The following CNTNAP2 variants were observed in gnomAD, a reference collection of about 807,000 sequenced individuals.
The protein encoded by CNTNAP2 is contactin-associated protein-like 2.
CNTNAP2 carries 98 observed loss-of-function variants against 155.2 expected under a neutral mutation model. The ratio of observed to expected loss-of-function variants is 0.63; its 90% confidence interval spans 0.54 to 0.75. The LOEUF (loss-of-function observed/expected upper bound fraction) is 0.75, where lower values mean the gene tolerates loss of function less well. Among genes scored for constraint, CNTNAP2 ranks in the 30% least tolerant of loss-of-function variants. The probability of loss-of-function intolerance (pLI) is 0.00; values close to 1 mark genes in which losing one functional copy is unlikely to be tolerated. For synonymous variants in CNTNAP2, 651 were observed against 631.2 expected (o/e 1.03, Z -0.47); for missense variants, 1,727 against 1,688.1 (o/e 1.02, Z -0.40).
At chr7:146,787,577 T>C (rs536614012) in intron 2 of CNTNAP2, among the ~76,000 whole-genome samples, 23 of 152,160 alleles carry the variant, frequency 1.5e-4, no homozygotes, top group Non-Finnish European at 2.5e-4. Flanking sequence ...TTACAGCTCA[T>C]AAATGCCGCA....
intron 1 of CNTNAP2, among the ~76,000 whole-genome samples, chr7:146,335,545 T>C (rs1161290668): frequency 6.6e-6 from 1 of 152,218 alleles, no homozygotes; most frequent in African/African-American, 2.4e-5. Context: ...ACTGTTGTTC[T>C]GTCTGAGAGC....
rs557210135 is a variant in CNTNAP2, at chr7:148,398,354, C to A, written c.3716-11037C>A. On this transcript the variant is annotated intron_variant, in intron 22 of 23. Coordinates refer to ENST00000361727, the MANE Select transcript of CNTNAP2 (RefSeq NM_014141.6). The stretch of plus-strand genomic sequence containing the variant: ...CTATTGGCAGAACTGGTCCACAGAG[C>A]ACAGAAGCACATTCATCGTGTAAAG... 3.3e-5 allele frequency among the ~76,000 whole-genome samples: 5 copies of A among 152,298 alleles called. No individual in the cohort carries two copies. The East Asian group carries it at 7.7e-4, about 24-fold the overall frequency.
chr7:146,490,669 G>T (rs757136690), intron 1 of CNTNAP2, among the ~76,000 whole-genome samples: 1 of 152,088 alleles, frequency 6.6e-6, no homozygotes, highest in African/African-American at 2.4e-5. Context: ...TTAAAATATC[G>T]TATATATTTG....
At chr7:148,413,401 A>AAAAAAAAAAAATAT (rs1442990213) in intron 23 of CNTNAP2, among the ~76,000 whole-genome samples, 8 of 45,358 alleles carry the variant, frequency 1.8e-4, no homozygotes, top group African/African-American at 3.8e-4. Context: ...TCAAAAAAAA[A>AAAAAAAAAAAATAT]ATATATATAT....
intron 15 of CNTNAP2, 152 bp from the exon 16 acceptor site, chr7:148,117,966 T>C (rs1199728595): frequency 1.2e-5 from 10 of 814,338 alleles, no homozygotes; most frequent in Non-Finnish European, 2.0e-5. Flanking sequence ...AAAATATATT[T>C]GTGAGGATTT....
At chr7:147,188,789 A>G (rs936214297) in intron 8 of CNTNAP2, among the ~76,000 whole-genome samples, 1 of 152,208 alleles carries the variant, frequency 6.6e-6, no homozygotes, top group African/African-American at 2.4e-5. Flanking sequence ...AAGAAGATTA[A>G]TTTGATGTGA....
intron 3 of CNTNAP2, among the ~76,000 whole-genome samples, chr7:146,896,409 C>T (rs1795878321): frequency 6.6e-6 from 1 of 152,044 alleles, no homozygotes; most frequent in Non-Finnish European, 1.5e-5. Flanking sequence ...ACCACGTGTA[C>T]ATTTTTTTTT....
At chr7:146,993,624 C>T (rs1481500358) in intron 3 of CNTNAP2, among the ~76,000 whole-genome samples, 2 of 152,134 alleles carry the variant, frequency 1.3e-5, no homozygotes, top group East Asian at 3.9e-4. Flanking sequence ...GGAGAGCTCC[C>T]TCCTGCCCCG....
At chr7:146,456,838 C>T (rs1200027008) in intron 1 of CNTNAP2, among the ~76,000 whole-genome samples, 7 of 151,958 alleles carry the variant, frequency 4.6e-5, no homozygotes, top group Non-Finnish European at 7.4e-5. Flanking sequence ...ATGCAACAGC[C>T]CATTTGCAAT....
chr7:146,305,139 C>G (rs1351041066), intron 1 of CNTNAP2, among the ~76,000 whole-genome samples: 1 of 152,022 alleles, frequency 6.6e-6, no homozygotes, highest in Non-Finnish European at 1.5e-5. Flanking sequence ...TTAAGGACTT[C>G]TCTACACTGT....
intron 15 of CNTNAP2, among the ~76,000 whole-genome samples, chr7:148,115,124 A>G (rs2116603557): frequency 6.6e-6 from 1 of 152,366 alleles, no homozygotes; most frequent in Middle Eastern, 3.4e-3. Context: ...TCAAGAGATC[A>G]AATTAGATTG....
At chr7:146,427,514 A>T (rs1048570446) in intron 1 of CNTNAP2, among the ~76,000 whole-genome samples, 12 of 152,192 alleles carry the variant, frequency 7.9e-5, no homozygotes, top group Non-Finnish European at 1.6e-4. Flanking sequence ...AAGAAACATA[A>T]AAAGCATTCT....
chr7:146,601,539 A>G (rs901350857), intron 1 of CNTNAP2, among the ~76,000 whole-genome samples: 2 of 152,116 alleles, frequency 1.3e-5, no homozygotes, highest in African/African-American at 2.4e-5. Context: ...AATTCTTCCT[A>G]TATCAATCCA....
At chr7:146,288,790 G>GT (rs1334059706) in intron 1 of CNTNAP2, among the ~76,000 whole-genome samples, 2 of 128,880 alleles carry the variant, frequency 1.6e-5, no homozygotes, top group Admixed American at 7.6e-5. Context: ...AGTAAAATTA[G>GT]TAATTTTTTT....
At chr7:147,546,055 A>G (rs1799724359) in intron 11 of CNTNAP2, among the ~76,000 whole-genome samples, 1 of 152,044 alleles carries the variant, frequency 6.6e-6, no homozygotes, top group Non-Finnish European at 1.5e-5. Context: ...AGTCAATTAA[A>G]CCTCCTTCTT....
chr7:146,532,231 T>C (rs1797780809), intron 1 of CNTNAP2, among the ~76,000 whole-genome samples: 1 of 152,148 alleles, frequency 6.6e-6, no homozygotes, highest in South Asian at 2.1e-4. Context: ...TTTAGGCTTT[T>C]TTTGCATGGT....
At chr7:148,321,242 A>G (rs374712707) in intron 21 of CNTNAP2, among the ~76,000 whole-genome samples, 43 of 152,326 alleles carry the variant, frequency 2.8e-4, no homozygotes, top group African/African-American at 1.0e-3. Context: ...TGAGGAAGGC[A>G]GGAGACTTTG....
intron 3 of CNTNAP2, among the ~76,000 whole-genome samples, chr7:146,903,724 G>C (rs1196365884): frequency 6.6e-6 from 1 of 152,136 alleles, no homozygotes. Flanking sequence ...GAGAGGAAAG[G>C]ATGGGCAAAG....
At chr7:147,651,899 C>T (rs1317078621) in intron 13 of CNTNAP2, among the ~76,000 whole-genome samples, 2 of 152,304 alleles carry the variant, frequency 1.3e-5, no homozygotes, top group East Asian at 3.9e-4. Flanking sequence ...CTTTCTACAA[C>T]CTTCGGAAAG....
Sources: gnomAD v4.1 joint callset for allele counts (sites outside exome capture counted in the v4.1 genomes callset) on GRCh38, gnomAD v4.1.1 for gene constraint, MANE v1.5 for transcripts, NCBI Gene and HGNC (gene_info 2026-07-23, HGNC 2026-07-21) for gene names.